Variants in C9orf85 observed in about 807,000 individuals in gnomAD.
C9orf85 encodes chromosome 9 open reading frame 85.
In C9orf85, 16 loss-of-function variants were observed where a neutral mutation model predicts 14.9. The observed-to-expected ratio is 1.08, with a 90% confidence interval of 0.73 to 1.63. C9orf85 has a LOEUF of 1.63. Among genes scored for constraint, C9orf85 ranks in the 40% most tolerant of loss-of-function variants. The probability of loss-of-function intolerance (pLI) is 0.00; values close to 1 mark genes in which losing one functional copy is unlikely to be tolerated. For synonymous variants in C9orf85, 45 were observed against 56.8 expected, an observed-to-expected ratio of 0.79 and a Z score of 0.93; for missense variants, 172 against 186.1, an observed-to-expected ratio of 0.92 and a Z score of 0.44.
intron 1 of C9orf85, among the ~76,000 whole-genome samples, chr9:71,915,428 T>G (rs550258333): frequency 1.2e-4 from 19 of 152,094 alleles, no homozygotes; most frequent in African/African-American, 4.6e-4. Context: ...CTGCCCACCT[T>G]GGCCTCCCAA....
At chr9:71,952,645 G>A (rs187887380) in intron 2 of C9orf85, among the ~76,000 whole-genome samples, 420 of 152,298 alleles carry the variant, frequency 2.8e-3, no homozygotes, top group Non-Finnish European at 4.8e-3. Flanking sequence ...TTACAGGCAT[G>A]AGCCACCATG....
At chr9:71,954,213 G>C (rs1273948064) in intron 2 of C9orf85, among the ~76,000 whole-genome samples, 1 of 147,876 alleles carries the variant, frequency 6.8e-6, no homozygotes, top group African/African-American at 2.5e-5. Context: ...AGCTTTGTCA[G>C]CAGAGAAGTT....
chr9:71,942,907 A>G (rs1041546886), intron 1 of C9orf85, among the ~76,000 whole-genome samples: 3 of 151,666 alleles, frequency 2.0e-5, no homozygotes, highest in Admixed American at 2.0e-4. Flanking sequence ...CGACTCAAAA[A>G]AAAAAAAAAA....
chr9:71,923,242 A>T (rs1193813023), intron 1 of C9orf85, among the ~76,000 whole-genome samples: 2 of 151,938 alleles, frequency 1.3e-5, no homozygotes, highest in African/African-American at 4.8e-5. Flanking sequence ...TACTTCATTC[A>T]TGTCTTGATT....
chr9:71,973,786 T>C (rs1019674760), downstream of C9orf85, among the ~76,000 whole-genome samples: 1 of 151,500 alleles, frequency 6.6e-6, no homozygotes, highest in Non-Finnish European at 1.5e-5. Context: ...ATTTTGATCA[T>C]TATTGTCTTA....
chr9:71,935,602 G>C (rs1423184022), intron 1 of C9orf85, among the ~76,000 whole-genome samples: 1 of 150,822 alleles, frequency 6.6e-6, no homozygotes, highest in Non-Finnish European at 1.5e-5. Context: ...GATCAGCCAG[G>C]GCAACACAGC....
chr9:71,957,749 A>G (rs921706423), intron 2 of C9orf85, among the ~76,000 whole-genome samples: 2 of 152,198 alleles, frequency 1.3e-5, no homozygotes, highest in African/African-American at 4.8e-5. Context: ...CCTCATAAAC[A>G]CGGTAAAGAT....
intron 1 of C9orf85, chr9:71,918,664 G>T (rs1488150422): frequency 3.3e-6 from 1 of 299,784 alleles, no homozygotes; most frequent in Non-Finnish European, 6.7e-6. Context: ...TCTCATAGGA[G>T]TGTGAACCCT....
At chr9:71,976,103 C>T (rs1373547396), downstream of C9orf85, among the ~76,000 whole-genome samples, 6 of 152,130 alleles carry the variant, frequency 3.9e-5, no homozygotes, top group African/African-American at 1.4e-4. Flanking sequence ...TTTAAGCAGA[C>T]TTTATTATAT....
intron 1 of C9orf85, among the ~76,000 whole-genome samples, chr9:71,925,118 G>A (rs895591407): frequency 6.6e-6 from 1 of 152,022 alleles, no homozygotes; most frequent in Admixed American, 6.6e-5. Context: ...GTGTCTCTAG[G>A]GACACATTTA....
intron 1 of C9orf85, among the ~76,000 whole-genome samples, chr9:71,938,042 G>A (rs1828233946): frequency 6.6e-6 from 1 of 152,076 alleles, no homozygotes; most frequent in African/African-American, 2.4e-5. Flanking sequence ...CTATTTGTAT[G>A]ACTAGCTCAT....
intron 1 of C9orf85, among the ~76,000 whole-genome samples, chr9:71,922,753 A>G (rs1827844331): frequency 6.6e-6 from 1 of 152,226 alleles, no homozygotes; most frequent in Non-Finnish European, 1.5e-5. Flanking sequence ...AACATCTGAC[A>G]TCTCATTGCC....
Position 71,911,707 on chromosome 9 carries a change from C to T in C9orf85, c.-28C>T, listed in dbSNP as rs1402754211. 1.2e-6 allele frequency: 2 copies of T among 1,603,378 alleles called. No individual in the cohort carries two copies. Among genetic ancestry groups the T allele is most frequent in the Admixed American group, 3.3e-5 (2 of 59,996 alleles). On this transcript the variant is annotated 5_prime_UTR_variant, in exon 1 of 4. Coordinates refer to ENST00000334731, the MANE Select transcript of C9orf85 (RefSeq NM_182505.5). ...TTTCCCCTCATCCTTTTGCCTGCTC[C>T]CGGCGAGGGGTGGCTTTGATTTCGG...
At chr9:71,936,813 C>T (rs1828202959) in intron 1 of C9orf85, among the ~76,000 whole-genome samples, 1 of 144,120 alleles carries the variant, frequency 6.9e-6, no homozygotes, top group Admixed American at 7.2e-5. Flanking sequence ...ACTCTGTCAC[C>T]AGTGGTATGA....
At chr9:71,959,722 C>A (rs1261943680) in intron 2 of C9orf85, among the ~76,000 whole-genome samples, 2 of 152,128 alleles carry the variant, frequency 1.3e-5, no homozygotes, top group Non-Finnish European at 2.9e-5. Context: ...TCTGCTGTTA[C>A]CTGCAAGAAC....
At chr9:71,925,751 C>G (rs952999478) in intron 1 of C9orf85, among the ~76,000 whole-genome samples, 2 of 151,928 alleles carry the variant, frequency 1.3e-5, no homozygotes, top group African/African-American at 4.8e-5. Flanking sequence ...CTGAATGTAG[C>G]GAACTTTGTA....
chr9:71,973,684 C>G (rs924735007), downstream of C9orf85, among the ~76,000 whole-genome samples: 6 of 151,786 alleles, frequency 4.0e-5, no homozygotes, highest in Non-Finnish European at 7.4e-5. Flanking sequence ...ATTTACACAC[C>G]TCGGTGAGGA....
intron 3 of C9orf85, 33 bp downstream of exon 3, chr9:71,971,651 C>CTA: frequency 7.4e-7 from 1 of 1,359,648 alleles, no homozygotes; most frequent in Non-Finnish European, 1.1e-6. Flanking sequence ...GAATTTTACT[C>CTA]TTAGTGATTG....
chr9:71,953,937 A>G (rs1399732877), intron 2 of C9orf85, among the ~76,000 whole-genome samples: 1 of 151,926 alleles, frequency 6.6e-6, no homozygotes, highest in Non-Finnish European at 1.5e-5. Flanking sequence ...CATATCTACA[A>G]ATAATTTTAA....
Sources: allele counts gnomAD v4.1 joint callset (sites outside exome capture counted in the v4.1 genomes callset), GRCh38; gene constraint gnomAD v4.1.1; transcripts MANE v1.5; gene names NCBI Gene and HGNC (gene_info 2026-07-23, HGNC 2026-07-21).